The following CENPF variants were observed in gnomAD, a reference collection of about 807,000 sequenced individuals.
CENPF encodes the protein AH antigen.
CENPF carries 214 observed loss-of-function variants against 307.3 expected under a neutral mutation model. That is an observed-to-expected ratio of 0.70 (90% confidence interval 0.62 to 0.78). The LOEUF (loss-of-function observed/expected upper bound fraction) is 0.78, where lower values mean the gene tolerates loss of function less well. Among genes scored for constraint, CENPF ranks in the 30% least tolerant of loss-of-function variants. The probability of loss-of-function intolerance (pLI) is 0.00; values close to 1 mark genes in which losing one functional copy is unlikely to be tolerated. For synonymous variants in CENPF, 1,259 were observed against 1,270.6 expected, an observed-to-expected ratio of 0.99 and a Z score of 0.19; for missense variants, 3,401 against 3,483.9, an observed-to-expected ratio of 0.98 and a Z score of 0.60.
chr1:214,621,053 C>A, intron 6 of CENPF, 107 bp downstream of exon 6: 1 of 1,000,544 alleles, frequency 1.0e-6, no homozygotes, highest in Non-Finnish European at 1.5e-6. Context: ...TTGTTAGGCA[C>A]ATCGGTGTTC....
chr1:214,632,087 C>T (rs984324472), intron 9 of CENPF, among the ~76,000 whole-genome samples: 3 of 152,048 alleles, frequency 2.0e-5, no homozygotes, highest in South Asian at 2.1e-4. Flanking sequence ...AATCATAGAG[C>T]GCTGTATATG....
chr1:214,640,668 A>G lies in CENPF; in HGVS notation c.2330A>G (p.Asn777Ser). 1 of 1,614,076 alleles carries G rather than the reference A, an allele frequency of 6.2e-7. No individual in the cohort carries two copies. Among genetic ancestry groups the G allele is most frequent in the Non-Finnish European group, 8.5e-7 (1 of 1,180,010 alleles). The change falls in exon 12 of 20, where the codon AAT (asparagine) becomes AGT (serine). Residue 777 changes from asparagine to serine, a missense_variant. Coordinates refer to ENST00000366955, the MANE Select transcript of CENPF (RefSeq NM_016343.4). ...TCCAAAGATGCTTCTCTGGTGACAA[A>G]TGAAGATCATCAGAGAAGTCTTTTG... Reference protein sequence around the residue: ...LKSKDASLVTNEDHQRSLLAF... With the variant: ...LKSKDASLVTSEDHQRSLLAF...
At chr1:214,629,558 A>AT (rs992536797) in intron 8 of CENPF, among the ~76,000 whole-genome samples, 2,881 of 146,610 alleles carry the variant, frequency 0.02, 67 homozygotes, top group African/African-American at 0.055. Context: ...TAACTCCAGT[A>AT]TTTTTTTTTT....
chr1:214,612,598 A>G (rs1270345934), intron 1 of CENPF, among the ~76,000 whole-genome samples: 1 of 152,184 alleles, frequency 6.6e-6, no homozygotes, highest in Non-Finnish European at 1.5e-5. Context: ...GCCCCAGGCC[A>G]TTTAATCAGC....
Position 214,640,983 on chromosome 1 carries a change from G to A in CENPF, c.2645G>A (p.Ser882Asn). The change falls in exon 12 of 20, where the codon AGT becomes AAT. Residue 882 changes from serine (S) to asparagine (N), a missense_variant. Physicochemically the swap from Ser to Asn is conservative, Grantham distance 46. Transcript: ENST00000366955. ...QMHQSFVAET[S>N]QRISKLQEDT... ...CATCAAAGTTTTGTGGCTGAAACAA[G>A]TCAGCGCATTAGTAAGTTACAGGAA... The A allele has an allele frequency of 2.5e-6, 4 of 1,594,886 alleles. No individual in the cohort carries two copies. The highest frequency in any genetic ancestry group is 3.4e-6 in the Non-Finnish European group (4 of 1,174,850).
At chr1:214,653,145 A>T in intron 16 of CENPF, 156 bp downstream of exon 16, 1 of 703,804 alleles carries the variant, frequency 1.4e-6, no homozygotes, top group South Asian at 1.5e-5. Context: ...AGTTATCTTT[A>T]AAAAAAATCA....
Position 214,613,816 on chromosome 1 carries a change from A to G in CENPF, c.62A>G (p.Gln21Arg). Residue 21 changes from glutamine (Q) to arginine (R), a missense_variant, in exon 2 of 20, where the codon CAA (glutamine) becomes CGA (arginine). By Grantham distance (43) the Gln-to-Arg change is conservative. Transcript: ENST00000366955. Reference protein sequence around the residue: ...GLPTRALQKIQELEGQLDKLK... With the variant: ...GLPTRALQKIRELEGQLDKLK... ...CCTACAAGAGCTCTTCAGAAAATTC[A>G]AGAGCTTGAAGGACAGCTTGACAAA... 6.2e-7 allele frequency: 1 copy of G among 1,613,874 alleles called. No individual in the cohort carries two copies.
intron 11 of CENPF, 91 bp from the exon 12 acceptor site, chr1:214,639,830 G>T: frequency 1.3e-6 from 1 of 791,272 alleles, no homozygotes; most frequent in Non-Finnish European, 1.8e-6. Context: ...AGTTTGTTTG[G>T]ATTTTGCCAG....
rs907327197 is a variant in CENPF at position 214,659,308 on chromosome 1, G to T, written c.9141+280G>T. 6.6e-6 allele frequency among the ~76,000 whole-genome samples: 1 copy of T among 152,076 alleles called. No homozygotes were observed. The highest frequency in any genetic ancestry group is 2.4e-5 in the African/African-American group (1 of 41,396). On this transcript the variant is annotated intron_variant, in intron 19 of 19. Transcript: ENST00000366955. This position sits in a 1 kb window ranked among gnomAD's most constrained non-coding sequence, Gnocchi z 4.4. Reference sequence around the variant, plus strand: ...CAGTGGATTTCTAAGAAAGTTTCAGGCGTTACTGATGAAGGATTTGAAGAG... The same window carrying T: ...CAGTGGATTTCTAAGAAAGTTTCAGTCGTTACTGATGAAGGATTTGAAGAG...
At position 214,647,124 on chromosome 1, in the gene CENPF, G is replaced by A. The variant is rs1236281240; in HGVS notation, c.7554G>A (p.Glu2518=). 3 of 1,613,858 alleles carry A rather than the reference G, an allele frequency of 1.9e-6. No individual in the cohort carries two copies. The highest frequency in any genetic ancestry group is 3.3e-5 in the Admixed American group (2 of 59,978). ...QEVEDGKQKL[E]KKDEEISRLK... ...TAGAAGATGGCAAGCAGAAACTGGA[G>A]AAGAAGGATGAAGAAATCAGTAGAC... Residue 2518 remains glutamate (E), a synonymous_variant, in exon 13 of 20, where the codon GAG becomes GAA. Coordinates refer to ENST00000366955, the MANE Select transcript of CENPF (RefSeq NM_016343.4).
At chr1:214,608,491 G>A in intron 1 of CENPF, 5 of 1,612,612 alleles carry the variant, frequency 3.1e-6, no homozygotes, top group East Asian at 2.2e-5. Flanking sequence ...ATTGCTGTGC[G>A]AGAAGAGGAC....
In CENPF at chr1:214,619,138, A is replaced by G; in HGVS notation, c.491A>G (p.Tyr164Cys). 6.8e-7 allele frequency: 1 copy of G among 1,475,066 alleles called. No homozygotes were observed. Among genetic ancestry groups the G allele is most frequent in the African/African-American group, 1.4e-5 (1 of 71,316 alleles). The allele number at this position is 1,475,066 out of a possible 1,614,324, so 91.4% of individuals were successfully genotyped here. Residue 164 changes from tyrosine (Y) to cysteine (C), a missense_variant, in exon 5 of 20, where the codon TAT (tyrosine) becomes TGT (cysteine). By Grantham distance (194) the Tyr-to-Cys change is radical. Transcript: ENST00000366955. ...TPSQYYSGSK[Y>C]EDLKEKYNKE... Reference sequence around the variant, plus strand: ...GATTGTCTGTTTCTAGGTTCCAAGTATGAAGATCTAAAAGAAAAATATAAT... The same window carrying G: ...GATTGTCTGTTTCTAGGTTCCAAGTGTGAAGATCTAAAAGAAAAATATAAT...
chr1:214,630,780 T>C, intron 9 of CENPF, 118 bp downstream of exon 9: 1 of 1,271,630 alleles, frequency 7.9e-7, no homozygotes. Flanking sequence ...CACCTTCACT[T>C]TCCCTATCAA....
rs181293702 is a variant in CENPF at position 214,645,961 on chromosome 1, G to T, written c.6391G>T (p.Asp2131Tyr). The stretch of plus-strand genomic sequence containing the variant: ...GAAACTGAGAGTTCGCATTGAGGCC[G>T]ATGAAAAGAAGCAGCTGCACATCGC... ...IEKLRVRIEA[D>Y]EKKQLHIAEK... is the part of the protein sequence containing the mutation. Residue 2131 changes from aspartate (D) to tyrosine (Y), a missense_variant, in exon 13 of 20, where the codon GAT becomes TAT. Transcript: ENST00000366955. 2.5e-6 allele frequency: 4 copies of T among 1,614,138 alleles called. No individual in the cohort carries two copies. In the Admixed American group the frequency reaches 5.0e-5, roughly 20 times the overall value.
At chr1:214,616,100 G>A (rs1231028049) in intron 3 of CENPF, among the ~76,000 whole-genome samples, 1 of 152,120 alleles carries the variant, frequency 6.6e-6, no homozygotes, top group Non-Finnish European at 1.5e-5. Flanking sequence ...TGTTAAAACT[G>A]TGGAGATTGG....
At chr1:214,650,479 G>C (rs979094033) in intron 14 of CENPF, among the ~76,000 whole-genome samples, 1 of 152,124 alleles carries the variant, frequency 6.6e-6, no homozygotes, top group African/African-American at 2.4e-5. Context: ...GGCCTAGCCT[G>C]GAGGAACTCT....
intron 12 of CENPF, among the ~76,000 whole-genome samples, chr1:214,643,798 T>C (rs913749207): frequency 7.2e-5 from 11 of 152,244 alleles, no homozygotes; most frequent in African/African-American, 2.7e-4. Context: ...CAGTTTTCTC[T>C]CTAACAATTT....
chr1:214,618,639 C>G lies in CENPF; in HGVS notation c.426C>G (p.Cys142Trp). The change falls in exon 4 of 20, where the codon TGC becomes TGG. Residue 142 changes from cysteine to tryptophan, a missense_variant. Coordinates refer to ENST00000366955, the MANE Select transcript of CENPF (RefSeq NM_016343.4). Reference protein sequence around the residue: ...AQSADVSLNPCNTPQKIFTTP... With the variant: ...AQSADVSLNPWNTPQKIFTTP... ...CTGCAGATGTCTCTCTGAATCCATG[C>G]AATACACCACAAAAAATTTTTACAA... The G allele has an allele frequency of 1.2e-6, 2 of 1,613,930 alleles. No individual in the cohort carries two copies. The highest frequency in any genetic ancestry group is 1.7e-4 in the Middle Eastern group (1 of 6,060).
At chr1:214,616,850 T>C (rs1292342148) in intron 3 of CENPF, among the ~76,000 whole-genome samples, 1 of 6,986 alleles carries the variant, frequency 1.4e-4, no homozygotes, top group African/African-American at 3.8e-4. Flanking sequence ...TCTTTCTTTC[T>C]TTCTTTCTTT....
Sources: allele counts gnomAD v4.1 joint callset (sites outside exome capture counted in the v4.1 genomes callset), GRCh38; gene constraint gnomAD v4.1.1; non-coding constraint Gnocchi (gnomAD v3.1); transcripts MANE v1.5; gene names NCBI Gene and HGNC (gene_info 2026-07-23, HGNC 2026-07-21).